Variants in CNTN4 observed in about 807,000 individuals in gnomAD.
CNTN4 encodes contactin-4.
In CNTN4, 77 loss-of-function variants were observed where a neutral mutation model predicts 122.5. That is an observed-to-expected ratio of 0.63 (90% CI 0.52 to 0.76). The LOEUF (loss-of-function observed/expected upper bound fraction) is 0.76, where lower values mean the gene tolerates loss of function less well. CNTN4 is among the 30% of genes least tolerant of loss of function. The pLI is 0.00. For synonymous variants in CNTN4, 512 were observed against 447.0 expected, an observed-to-expected ratio of 1.15 and a Z score of -1.83; for missense variants, 1,256 against 1,259.1, an observed-to-expected ratio of 1.00 and a Z score of 0.04.
chr3:2,473,795 TTGA>T (rs1559585693), intron 3 of CNTN4, among the ~76,000 whole-genome samples: 1 of 152,032 alleles, frequency 6.6e-6, no homozygotes, highest in African/African-American at 2.4e-5. Flanking sequence ...GGCGGATCAC[TTGA>T]GGTCTGGAGT....
At chr3:2,414,922 A>G (rs2047359363) in intron 3 of CNTN4, among the ~76,000 whole-genome samples, 2 of 152,078 alleles carry the variant, frequency 1.3e-5, no homozygotes, top group Middle Eastern at 6.8e-3. Context: ...AAGCACATAG[A>G]AAGAAAATAA....
chr3:2,255,150 C>T (rs1453633982), intron 2 of CNTN4, among the ~76,000 whole-genome samples: 1 of 152,186 alleles, frequency 6.6e-6, no homozygotes, highest in Non-Finnish European at 1.5e-5. Flanking sequence ...GGAATCCTTT[C>T]TCCATTGCTT....
chr3:2,825,818 C>T (rs10865821), intron 7 of CNTN4, among the ~76,000 whole-genome samples: 2 of 151,950 alleles, frequency 1.3e-5, no homozygotes, highest in African/African-American at 2.4e-5. Context: ...TCTGATTCTG[C>T]GATTATTTTC....
intron 4 of CNTN4, among the ~76,000 whole-genome samples, chr3:2,727,348 C>T (rs891745082): frequency 6.6e-6 from 1 of 152,188 alleles, no homozygotes; most frequent in Non-Finnish European, 1.5e-5. Flanking sequence ...TAAATAGTCT[C>T]CCATCAGTTC....
chr3:2,572,908 T>TCA (rs1385368064), intron 4 of CNTN4, among the ~76,000 whole-genome samples: 4 of 152,204 alleles, frequency 2.6e-5, no homozygotes, highest in African/African-American at 9.7e-5. Context: ...TATAGATCAC[T>TCA]CATTCTATGC....
Position 2,474,109 on chromosome 3 carries a change from C to G in CNTN4, c.-88-97307C>G, listed in dbSNP as rs534908996. Among the ~76,000 whole-genome samples the G allele has an allele frequency of 2.3e-4, 35 of 152,118 alleles. No homozygotes were observed. The South Asian group carries it at 7.1e-3, about 31-fold the overall frequency. Reference sequence around the variant, plus strand: ...GGACTGTCTGCCGGGGTGTCATCTCCTTTTTCTTGCCACCTCACTAGCCTG... The same window carrying G: ...GGACTGTCTGCCGGGGTGTCATCTCGTTTTTCTTGCCACCTCACTAGCCTG... On this transcript the variant is annotated intron_variant, in intron 3 of 24. Transcript: ENST00000418658.
intron 2 of CNTN4, among the ~76,000 whole-genome samples, chr3:2,277,758 A>C (rs2041571117): frequency 6.6e-6 from 1 of 152,074 alleles, no homozygotes. Context: ...ATTTCCCTCC[A>C]TTGTAGGTGA....
chr3:2,325,861 G>C (rs11129104), intron 2 of CNTN4, among the ~76,000 whole-genome samples: 1 of 151,992 alleles, frequency 6.6e-6, no homozygotes, highest in Non-Finnish European at 1.5e-5. Flanking sequence ...AATTAGAGGT[G>C]TATGCTTTAT....
chr3:2,140,463 A>C (rs62246963), intron 2 of CNTN4, among the ~76,000 whole-genome samples: 29,853 of 152,134 alleles, frequency 0.2, 3,664 homozygotes, highest in Admixed American at 0.31. Context: ...GTCCAAGATC[A>C]CGGCAACCTC....
chr3:2,447,077 C>T lies in CNTN4; in HGVS notation c.-89+107844C>T, dbSNP rs1308438998. On this transcript the variant is annotated intron_variant, in intron 3 of 24. Transcript: ENST00000418658. ...TTATGGGAGTTTCATATGCTTGACACTATCATTATTCCTCTACTAACTGCC... is the reference window on the plus strand; with the variant it reads ...TTATGGGAGTTTCATATGCTTGACATTATCATTATTCCTCTACTAACTGCC... Among the ~76,000 whole-genome samples, 4 of 152,188 alleles carry T rather than the reference C, an allele frequency of 2.6e-5. No individual in the cohort carries two copies. The South Asian group carries it at 6.2e-4, about 24-fold the overall frequency.
At chr3:2,803,598 C>T (rs1359726179) in intron 6 of CNTN4, among the ~76,000 whole-genome samples, 12 of 148,142 alleles carry the variant, frequency 8.1e-5, no homozygotes, top group East Asian at 4.0e-4. Flanking sequence ...CTCGCTCTGT[C>T]GCCCAGGCTG....
At chr3:2,432,574 C>T (rs2048112742) in intron 3 of CNTN4, among the ~76,000 whole-genome samples, 1 of 151,548 alleles carries the variant, frequency 6.6e-6, no homozygotes, top group Non-Finnish European at 1.5e-5. Flanking sequence ...AATAGTATTC[C>T]ACCCTGTGTG....
At chr3:2,784,404 A>G (rs932842820) in intron 6 of CNTN4, among the ~76,000 whole-genome samples, 2 of 152,226 alleles carry the variant, frequency 1.3e-5, no homozygotes, top group Non-Finnish European at 2.9e-5. Flanking sequence ...TTCGAAACAC[A>G]ATATAGGGAG....
At chr3:2,230,565 C>A (rs571265929) in intron 2 of CNTN4, among the ~76,000 whole-genome samples, 1 of 152,288 alleles carries the variant, frequency 6.6e-6, no homozygotes, top group African/African-American at 2.4e-5. Context: ...AATATGGGTT[C>A]TTTCCTTTTA....
intron 2 of CNTN4, among the ~76,000 whole-genome samples, chr3:2,146,689 T>A (rs768147867): frequency 2.0e-5 from 3 of 152,176 alleles, no homozygotes; most frequent in Non-Finnish European, 2.9e-5. Flanking sequence ...GAAAGAAAGA[T>A]GATATGACTC....
At chr3:2,108,016 G>C (rs2032596402) in intron 2 of CNTN4, among the ~76,000 whole-genome samples, 1 of 152,058 alleles carries the variant, frequency 6.6e-6, no homozygotes, top group South Asian at 2.1e-4. Flanking sequence ...ACATCCTCAG[G>C]CTTAATTCCC....
At chr3:3,023,088 G>C (rs539831124) in intron 14 of CNTN4, among the ~76,000 whole-genome samples, 1 of 152,256 alleles carries the variant, frequency 6.6e-6, no homozygotes, top group Admixed American at 6.5e-5. Context: ...TACAGGGTTT[G>C]TATTCAAATT....
chr3:2,794,863 G>A (rs1377524521), intron 6 of CNTN4, among the ~76,000 whole-genome samples: 2 of 152,186 alleles, frequency 1.3e-5, no homozygotes, highest in African/African-American at 4.8e-5. Flanking sequence ...GCACTCACGT[G>A]GTGGAAGGGG....
intron 3 of CNTN4, among the ~76,000 whole-genome samples, chr3:2,458,236 C>G (rs2049072625): frequency 6.6e-6 from 1 of 152,060 alleles, no homozygotes; most frequent in Non-Finnish European, 1.5e-5. Context: ...ATGAATTAAA[C>G]CAAATAGTAA....
Sources: allele counts gnomAD v4.1 joint callset (sites outside exome capture counted in the v4.1 genomes callset), GRCh38; gene constraint gnomAD v4.1.1; transcripts MANE v1.5; gene names NCBI Gene and HGNC (gene_info 2026-07-23, HGNC 2026-07-21).